SCD5: variants seen among roughly 807,000 people sequenced by gnomAD.
The protein encoded by SCD5 is stearoyl-CoA desaturase 5.
A neutral mutation model predicts 30.4 loss-of-function variants in SCD5; 20 were observed. The observed-to-expected ratio is 0.66, with a 90% CI of 0.46 to 0.96. The LOEUF is 0.96. Among genes scored for constraint, SCD5 ranks in the 40% least tolerant of loss-of-function variants. The pLI is 0.00. For missense variants in SCD5, 381 were observed against 443.3 expected, an observed-to-expected ratio of 0.86 and a Z score of 1.26; for synonymous variants, 173 against 176.4, an observed-to-expected ratio of 0.98 and a Z score of 0.16.
At chr4:82,748,344 G>T (rs933620583) in intron 1 of SCD5, among the ~76,000 whole-genome samples, 1 of 152,034 alleles carries the variant, frequency 6.6e-6, no homozygotes, top group Non-Finnish European at 1.5e-5. Flanking sequence ...GGGAGAGGAG[G>T]GGGAGGGGAC....
At chr4:82,783,760 A>T (rs1471261752) in intron 1 of SCD5, among the ~76,000 whole-genome samples, 1 of 151,316 alleles carries the variant, frequency 6.6e-6, no homozygotes, top group African/African-American at 2.4e-5. Context: ...CCGAGATCGC[A>T]CCATTGCACT....
chr4:82,665,388 A>T (rs1380129918), intron 3 of SCD5, among the ~76,000 whole-genome samples: 2 of 151,968 alleles, frequency 1.3e-5, no homozygotes, highest in Non-Finnish European at 2.9e-5. Flanking sequence ...TAAAAAAAAA[A>T]TGAATCTAGA....
At chr4:82,791,807 AAACAACAAC>A (rs368698266) in intron 1 of SCD5, among the ~76,000 whole-genome samples, 1 of 152,062 alleles carries the variant, frequency 6.6e-6, no homozygotes, top group African/African-American at 2.4e-5. Flanking sequence ...TAGATCCTTA[AAACAACAAC>A]AACAACAACA....
chr4:82,763,550 A>G (rs1405806843), intron 1 of SCD5, among the ~76,000 whole-genome samples: 1 of 152,176 alleles, frequency 6.6e-6, no homozygotes, highest in Non-Finnish European at 1.5e-5. Context: ...GTTAAGGTGG[A>G]CTGTCACCCA....
chr4:82,673,806 T>C (rs1728379875), intron 3 of SCD5, among the ~76,000 whole-genome samples: 5 of 152,144 alleles, frequency 3.3e-5, no homozygotes, highest in Admixed American at 1.3e-4. Context: ...AAGAACAGAC[T>C]AATTGATCAA....
intron 3 of SCD5, among the ~76,000 whole-genome samples, chr4:82,639,408 TTTCA>T (rs1727494796): frequency 1.3e-5 from 2 of 152,058 alleles, no homozygotes; most frequent in East Asian, 1.9e-4. Flanking sequence ...CCACAATGAG[TTTCA>T]GTGGATCCGA....
intron 3 of SCD5, among the ~76,000 whole-genome samples, chr4:82,640,384 G>A (rs940299250): frequency 1.3e-5 from 2 of 152,120 alleles, no homozygotes; most frequent in African/African-American, 4.8e-5. Context: ...CCTCAAAAAA[G>A]ACATTCTTAA....
At chr4:82,651,874 T>G (rs1242330783) in intron 3 of SCD5, among the ~76,000 whole-genome samples, 2 of 152,164 alleles carry the variant, frequency 1.3e-5, no homozygotes, top group Non-Finnish European at 2.9e-5. Context: ...GATTGTGCCA[T>G]TGCACTTCAG....
intron 1 of SCD5, among the ~76,000 whole-genome samples, chr4:82,770,290 C>T (rs879661952): frequency 2.6e-5 from 4 of 152,084 alleles, no homozygotes; most frequent in Non-Finnish European, 4.4e-5. Context: ...CGGGTCACAC[C>T]CCAATTTATA....
rs868140714 is a variant in SCD5, at chr4:82,762,958, C to G, written c.232+35348G>C. On this transcript the variant is annotated intron_variant, in intron 1 of 4. Coordinates refer to ENST00000319540, the MANE Select transcript of SCD5 (RefSeq NM_001037582.3). ...CTCTCCTGAGCGGTGGAGCACAGCC[C>G]CATCGCCTTCCTGGTCCCCCTCTGT... Among the ~76,000 whole-genome samples, 7 of 152,172 alleles carry G rather than the reference C, an allele frequency of 4.6e-5. No homozygotes were observed. In the South Asian group the frequency reaches 1.5e-3, roughly 32 times the overall value.
chr4:82,681,233 G>C (rs552647678), intron 2 of SCD5, among the ~76,000 whole-genome samples: 2 of 152,082 alleles, frequency 1.3e-5, no homozygotes, highest in East Asian at 3.9e-4. Flanking sequence ...AAGTCTCCTA[G>C]ATCATTTATG....
At chr4:82,700,392 T>C (rs558050186) in intron 2 of SCD5, among the ~76,000 whole-genome samples, 3 of 152,054 alleles carry the variant, frequency 2.0e-5, no homozygotes, top group Non-Finnish European at 4.4e-5. Flanking sequence ...TTAGGTATCA[T>C]CATATTCAAA....
chr4:82,651,690 G>C (rs896001289), intron 3 of SCD5, among the ~76,000 whole-genome samples: 1 of 152,088 alleles, frequency 6.6e-6, no homozygotes, highest in African/African-American at 2.4e-5. Flanking sequence ...GAGGTGGGCA[G>C]ATCACCTGAG....
chr4:82,763,560 A>C (rs1162021927), intron 1 of SCD5, among the ~76,000 whole-genome samples: 1 of 152,210 alleles, frequency 6.6e-6, no homozygotes. Flanking sequence ...ACTGTCACCC[A>C]ATCTGACTGG....
chr4:82,632,833 A>G (rs1360789341), intron 4 of SCD5, among the ~76,000 whole-genome samples: 2 of 151,972 alleles, frequency 1.3e-5, no homozygotes, highest in Non-Finnish European at 2.9e-5. Flanking sequence ...CTCTGATTTG[A>G]TTTTTTAAAT....
intron 1 of SCD5, among the ~76,000 whole-genome samples, chr4:82,730,383 G>A (rs181947963): frequency 4.3e-4 from 64 of 150,186 alleles, no homozygotes; most frequent in African/African-American, 1.3e-3. Flanking sequence ...TGCAACCTCC[G>A]CTTCCCGGGT....
chr4:82,671,731 A>T (rs1728329179), intron 3 of SCD5, among the ~76,000 whole-genome samples: 1 of 152,166 alleles, frequency 6.6e-6, no homozygotes, highest in Non-Finnish European at 1.5e-5. Flanking sequence ...CACAAAAGTG[A>T]GCCATGCGTG....
intron 1 of SCD5, among the ~76,000 whole-genome samples, chr4:82,778,409 C>T (rs1221975734): frequency 6.6e-6 from 1 of 152,220 alleles, no homozygotes; most frequent in Non-Finnish European, 1.5e-5. Context: ...CAGCAACAAA[C>T]ATGTATTATT....
At chr4:82,746,076 T>C (rs1418885767) in intron 1 of SCD5, among the ~76,000 whole-genome samples, 1 of 152,272 alleles carries the variant, frequency 6.6e-6, no homozygotes, top group Non-Finnish European at 1.5e-5. Flanking sequence ...ATATGAGTTT[T>C]CATTTTTCTT....
Sources: allele counts gnomAD v4.1 joint callset (sites outside exome capture counted in the v4.1 genomes callset), GRCh38; gene constraint gnomAD v4.1.1; transcripts MANE v1.5; gene names NCBI Gene and HGNC (gene_info 2026-07-23, HGNC 2026-07-21).